Variants in DNAH2 observed in about 807,000 individuals in gnomAD.
DNAH2 encodes dynein axonemal heavy chain 2, also known as axonemal beta dynein heavy chain 2.
A neutral mutation model predicts 523.5 loss-of-function variants in DNAH2; 323 were observed. The ratio of observed to expected loss-of-function variants is 0.62; its 90% CI spans 0.56 to 0.68. The LOEUF is 0.68. DNAH2 is among the 30% of genes least tolerant of loss of function. The pLI is 0.00. For missense variants in DNAH2, 4,907 were observed against 5,701.5 expected, an observed-to-expected ratio of 0.86 and a Z score of 4.49; for synonymous variants, 2,093 against 2,177.4, an observed-to-expected ratio of 0.96 and a Z score of 1.08.
Position 7,798,364 on chromosome 17 carries a change from G to A in DNAH2, c.8398+40G>A. On this transcript the variant is annotated intron_variant, in intron 54 of 85. Coordinates refer to ENST00000572933, the MANE Select transcript of DNAH2 (RefSeq NM_020877.5). The surrounding 1 kb of genome is among the most constrained non-coding windows in gnomAD (Gnocchi z 5.5). Reference sequence around the variant, plus strand: ...CTGAAATGCTAGGAATAAAAGATCAGATGCATACATTCCTGCAGTGACAAG... The same window carrying A: ...CTGAAATGCTAGGAATAAAAGATCAAATGCATACATTCCTGCAGTGACAAG... 1 of 1,583,490 alleles carries A rather than the reference G, an allele frequency of 6.3e-7. No homozygotes were observed.
Position 7,816,524 on chromosome 17 carries a change from T to C in DNAH2, c.9730-47T>C, listed in dbSNP as rs377703745. 2.3e-4 allele frequency: 363 copies of C among 1,605,502 alleles called. 2 individuals carry two copies. The highest frequency in any genetic ancestry group is 2.9e-4 in the Non-Finnish European group (346 of 1,174,232). On this transcript the variant is annotated intron_variant, in intron 63 of 85. Coordinates refer to ENST00000572933, the MANE Select transcript of DNAH2 (RefSeq NM_020877.5). ...AGTCATGATGTGAACAAGAACAATC[T>C]GGCTGCGAGCCCTGTGTTTGATGCG...
chr17:7,740,012 C>A, intron 9 of DNAH2, 74 bp downstream of exon 9: 2 of 1,470,762 alleles, frequency 1.4e-6, no homozygotes, highest in Non-Finnish European at 1.8e-6. Context: ...GGAGGAGTGG[C>A]GAGAGTATGC....
At chr17:7,819,163 T>C (rs1255688395) in intron 71 of DNAH2, 46 bp from the exon 72 acceptor site, 3 of 1,609,288 alleles carry the variant, frequency 1.9e-6, no homozygotes, top group Non-Finnish European at 2.5e-6. Context: ...CCCTGCTCCC[T>C]GCCACGTCCC....
intron 73 of DNAH2, among the ~76,000 whole-genome samples, chr17:7,823,096 C>G (rs1389183500): frequency 6.6e-6 from 1 of 151,952 alleles, no homozygotes; most frequent in Non-Finnish European, 1.5e-5. Flanking sequence ...GAGTTCGAGA[C>G]CAGCCTGGCC....
chr17:7,741,233 TC>T (rs1215877612), intron 11 of DNAH2, among the ~76,000 whole-genome samples: 39 of 131,598 alleles, frequency 3.0e-4, no homozygotes, highest in Non-Finnish European at 5.4e-4. Context: ...TTTTTTTCTC[TC>T]TCTCTTTCTT....
chr17:7,798,452 C>T lies in DNAH2; in HGVS notation c.8399-106C>T, dbSNP rs561712643. The T allele has an allele frequency of 1.7e-5, 26 of 1,537,676 alleles. No individual in the cohort carries two copies. The highest frequency in any genetic ancestry group is 2.5e-5 in the South Asian group (2 of 80,644). ...GCCCGTGTTGGGTGTAGGATGGTGTCGCGTGTATGCTGCGGGGCGGGGAGG... is the reference window on the plus strand; with the variant it reads ...GCCCGTGTTGGGTGTAGGATGGTGTTGCGTGTATGCTGCGGGGCGGGGAGG... On this transcript the variant is annotated intron_variant, in intron 54 of 85. Coordinates refer to ENST00000572933, the MANE Select transcript of DNAH2 (RefSeq NM_020877.5). This position sits in a 1 kb window ranked among gnomAD's most constrained non-coding sequence, Gnocchi z 5.5.
At position 7,832,490 on chromosome 17, in the gene DNAH2, C is replaced by T; in HGVS notation, c.12727-89C>T. ...TACCACTGCACTCCAGCCTGGGGGACAAGAGCAAAACTCTGTCTCTAAATA... is the reference window on the plus strand; with the variant it reads ...TACCACTGCACTCCAGCCTGGGGGATAAGAGCAAAACTCTGTCTCTAAATA... On this transcript the variant is annotated intron_variant, in intron 82 of 85. Transcript: ENST00000572933. The surrounding 1 kb of genome is among the most constrained non-coding windows in gnomAD (Gnocchi z 4.3). 6.7e-7 allele frequency: 1 copy of T among 1,495,840 alleles called. No individual in the cohort carries two copies. Among genetic ancestry groups the T allele is most frequent in the African/African-American group, 1.4e-5 (1 of 72,286 alleles). 92.7% of individuals were successfully genotyped at this position (1,495,840 alleles called of 1,614,324 possible). A position where few individuals can be genotyped will look rare whatever the true frequency, so the allele number is the denominator to read the frequency against.
intron 36 of DNAH2, among the ~76,000 whole-genome samples, chr17:7,779,782 G>C (rs1354165643): frequency 1.3e-5 from 2 of 152,134 alleles, no homozygotes. Flanking sequence ...AACAACTCTG[G>C]GGGAAGGGTC....
chr17:7,792,764 T>C lies in DNAH2; in HGVS notation c.7253T>C (p.Val2418Ala). The C allele has an allele frequency of 1.2e-6, 2 of 1,614,168 alleles. No individual in the cohort carries two copies. Among genetic ancestry groups the C allele is most frequent in the South Asian group, 2.2e-5 (2 of 91,082 alleles). The stretch of plus-strand genomic sequence containing the variant: ...AATCCCATTCTGCTGGTGGGTCCCG[T>C]GGGGACTGGGAAGACCTCCATCGCC... ...NQNPILLVGP[V>A]GTGKTSIAQS... Residue 2418 changes from valine (V) to alanine (A), a missense_variant, in exon 47 of 86, where the codon GTG (valine) becomes GCG (alanine). Coordinates refer to ENST00000572933, the MANE Select transcript of DNAH2 (RefSeq NM_020877.5).
intron 27 of DNAH2, 143 bp from the exon 28 acceptor site, chr17:7,771,187 C>G: frequency 1.5e-6 from 2 of 1,297,182 alleles, no homozygotes; most frequent in Non-Finnish European, 2.1e-6. Flanking sequence ...TCCAGCTTTC[C>G]TTGTAGAACT....
At position 7,797,631 on chromosome 17, in the gene DNAH2, G is replaced by A. The variant is rs201759892; in HGVS notation, c.8081-49G>A. On this transcript the variant is annotated intron_variant, in intron 52 of 85. Coordinates refer to ENST00000572933, the MANE Select transcript of DNAH2 (RefSeq NM_020877.5). ...TCTGAAGTGTGGAGCCCTGTGGGGGGAGGCAAACCAGGCATTTGTGACTCT... is the reference window on the plus strand; with the variant it reads ...TCTGAAGTGTGGAGCCCTGTGGGGGAAGGCAAACCAGGCATTTGTGACTCT... 438 of 1,613,888 alleles carry A rather than the reference G, an allele frequency of 2.7e-4. 2 individuals carry two copies. The highest frequency in any genetic ancestry group is 7.7e-4 in the Admixed American group (46 of 60,018).
Position 7,759,093 on chromosome 17 carries a change from C to G in DNAH2, c.2417C>G (p.Ser806Cys), listed in dbSNP as rs2075930201. The G allele has an allele frequency of 1.9e-6, 3 of 1,614,124 alleles. No homozygotes were observed. Among genetic ancestry groups the G allele is most frequent in the Non-Finnish European group, 2.5e-6 (3 of 1,180,030 alleles). Reference protein sequence around the residue: ...HQDVVTIMTNSYEVFKNDGPE... With the variant: ...HQDVVTIMTNCYEVFKNDGPE... Reference sequence around the variant, plus strand: ...GATGTGGTGACCATCATGACCAACTCCTATGAGGTCTTCAAGAATGATGGT... The same window carrying G: ...GATGTGGTGACCATCATGACCAACTGCTATGAGGTCTTCAAGAATGATGGT... Residue 806 changes from serine (S) to cysteine (C), a missense_variant, in exon 15 of 86, where the codon TCC becomes TGC. Coordinates refer to ENST00000572933, the MANE Select transcript of DNAH2 (RefSeq NM_020877.5).
In DNAH2 at chr17:7,797,269, G is replaced by A. The variant is rs764762453; in HGVS notation, c.7949+8G>A. 1 of 1,614,056 alleles carries A rather than the reference G, an allele frequency of 6.2e-7. No homozygotes were observed. The highest frequency in any genetic ancestry group is 1.7e-5 in the Admixed American group (1 of 60,000). On this transcript the variant is annotated splice_region_variant and intron_variant, in intron 51 of 85. Coordinates refer to ENST00000572933, the MANE Select transcript of DNAH2 (RefSeq NM_020877.5). The stretch of plus-strand genomic sequence containing the variant: ...GATCCATGAATGTTTCAGGTGACAT[G>A]CATGTGCCCTGGCCAAACGAAGGCT...
intron 49 of DNAH2, among the ~76,000 whole-genome samples, chr17:7,795,822 C>A (rs1320431805): frequency 1.4e-5 from 2 of 147,658 alleles, no homozygotes; most frequent in African/African-American, 2.5e-5. Flanking sequence ...CATGGAGAAA[C>A]CCTGTCTCTA....
At position 7,798,198 on chromosome 17, in the gene DNAH2, A is replaced by G; in HGVS notation, c.8272A>G (p.Met2758Val). 5 of 1,611,414 alleles carry G rather than the reference A, an allele frequency of 3.1e-6. No homozygotes were observed. Among genetic ancestry groups the G allele is most frequent in the Non-Finnish European group, 2.5e-6 (3 of 1,177,848 alleles). ...VRVIGQPRGN[M>V]LLVGIGGSGR... is the part of the protein sequence containing the mutation. ...GGTCATTGGACAGCCTCGGGGCAAC[A>G]TGCTCCTGGTGGGTATCGGGGGCAG... Residue 2758 changes from methionine (M) to valine (V), a missense_variant, in exon 54 of 86, where the codon ATG becomes GTG. Coordinates refer to ENST00000572933, the MANE Select transcript of DNAH2 (RefSeq NM_020877.5). The surrounding 1 kb of genome is among the most constrained non-coding windows in gnomAD (Gnocchi z 5.5).
chr17:7,776,034 G>A lies in DNAH2; in HGVS notation c.4832G>A (p.Gly1611Asp), dbSNP rs764809556. 2.0e-5 allele frequency: 33 copies of A among 1,613,890 alleles called. No homozygotes were observed. The East Asian group carries it at 7.1e-4, about 35-fold the overall frequency. Reference sequence around the variant, plus strand: ...CCCACCTCCCCCCAGTCCTGGCTTGGCGATGTGGAACAGACCATGAGGGTG... The same window carrying A: ...CCCACCTCCCCCCAGTCCTGGCTTGACGATGTGGAACAGACCATGAGGGTG... Reference protein sequence around the residue: ...FLEGPVESWLGDVEQTMRVTL... With the variant: ...FLEGPVESWLDDVEQTMRVTL... Residue 1611 changes from glycine to aspartate, a missense_variant, in exon 31 of 86, where the codon GGC becomes GAC. Gly to Asp is a moderately conservative substitution (Grantham distance 94, BLOSUM62 -1). This residue lies in a region of DNAH2 where 2,806 missense variants were observed against 3,190.8 expected (regional missense o/e 0.88). Coordinates refer to ENST00000572933, the MANE Select transcript of DNAH2 (RefSeq NM_020877.5).
At position 7,807,374 on chromosome 17, in the gene DNAH2, CGGATGCACAGACCCAGGTGGAAGGAGG is replaced by C. The variant is rs2077395648; in HGVS notation, c.9612+62_9613-63del. On this transcript the variant is annotated intron_variant, in intron 62 of 85. Coordinates refer to ENST00000572933, the MANE Select transcript of DNAH2 (RefSeq NM_020877.5). The surrounding 1 kb of genome is among the most constrained non-coding windows in gnomAD (Gnocchi z 5.6). ...TAGGGAGGGCAGGCCTGGGGGAGTGCGGATGCACAGACCCAGGTGGAAGGAGGGGATGCCTGGAGGTGAGGGGGTTGG... is the reference window on the plus strand; with the variant it reads ...TAGGGAGGGCAGGCCTGGGGGAGTGCGGATGCCTGGAGGTGAGGGGGTTGG... 5 of 1,601,154 alleles carry C rather than the reference CGGATGCACAGACCCAGGTGGAAGGAGG, an allele frequency of 3.1e-6. No individual in the cohort carries two copies. The East Asian group carries it at 1.1e-4, about 36-fold the overall frequency.
At position 7,828,331 on chromosome 17, in the gene DNAH2, A is replaced by G. The variant is rs1225583850; in HGVS notation, c.11854-1969A>G. Among the ~76,000 whole-genome samples, 1 of 152,172 alleles carries G rather than the reference A, an allele frequency of 6.6e-6. No homozygotes were observed. The highest frequency in any genetic ancestry group is 1.5e-5 in the Non-Finnish European group (1 of 68,044). ...GCTATTCTTGACCTTTTATTCTTCA[A>G]TATAAATTTTAGAATTTGTTTGTTC... On this transcript the variant is annotated intron_variant, in intron 77 of 85. Coordinates refer to ENST00000572933, the MANE Select transcript of DNAH2 (RefSeq NM_020877.5). The surrounding 1 kb of genome is among the most constrained non-coding windows in gnomAD (Gnocchi z 4.1).
chr17:7,806,313 G>A (rs1389834577), intron 61 of DNAH2, among the ~76,000 whole-genome samples: 3 of 152,176 alleles, frequency 2.0e-5, no homozygotes, highest in Non-Finnish European at 4.4e-5. Flanking sequence ...TATTTTCAAT[G>A]TATGATGGGC....
Sources: gnomAD v4.1 joint callset for allele counts (sites outside exome capture counted in the v4.1 genomes callset) on GRCh38, gnomAD v4.1.1 for gene constraint, gnomAD v4.1.1 regional missense constraint, Gnocchi (gnomAD v3.1) non-coding constraint, MANE v1.5 for transcripts, NCBI Gene and HGNC (gene_info 2026-07-23, HGNC 2026-07-21) for gene names.